Variants in CMIP observed in about 807,000 individuals in gnomAD.
CMIP encodes C-Maf-inducing protein.
In CMIP, 13 loss-of-function variants were observed where a neutral mutation model predicts 97.3. The observed-to-expected ratio is 0.13, with a 90% CI of 0.09 to 0.21. CMIP has a LOEUF of 0.21. Among genes scored for constraint, CMIP ranks in the 10% least tolerant of loss-of-function variants. CMIP has a pLI of 1.00. For synonymous variants in CMIP, 538 were observed against 436.3 expected (o/e 1.23, Z -2.91); for missense variants, 847 against 1,024.9 (o/e 0.83, Z 2.37).
chr16:81,466,628 G>A (rs1027924918), intron 1 of CMIP, among the ~76,000 whole-genome samples: 3 of 152,232 alleles, frequency 2.0e-5, no homozygotes, highest in Non-Finnish European at 4.4e-5. Flanking sequence ...GGCCATGATT[G>A]CATAATGAAT....
At chr16:81,682,019 G>A (rs1319092070) in intron 10 of CMIP, among the ~76,000 whole-genome samples, 1 of 151,624 alleles carries the variant, frequency 6.6e-6, no homozygotes, top group Non-Finnish European at 1.5e-5. Context: ...CCTGGCCAAC[G>A]TGACGAAATC....
chr16:81,564,457 T>A (rs1307073296), intron 1 of CMIP, among the ~76,000 whole-genome samples: 14 of 152,226 alleles, frequency 9.2e-5, no homozygotes, highest in Admixed American at 6.5e-4. Flanking sequence ...GAATCTAGTC[T>A]TCCATGTAAT....
chr16:81,529,946 TAGGAACCTTATACA>T (rs1321174318), intron 1 of CMIP, among the ~76,000 whole-genome samples: 1 of 152,186 alleles, frequency 6.6e-6, no homozygotes, highest in Non-Finnish European at 1.5e-5. Context: ...TGAGCAGCCA[TAGGAACCTTATACA>T]TGGGCAGGTG....
At chr16:81,513,142 C>T (rs1338588192) in intron 1 of CMIP, among the ~76,000 whole-genome samples, 3 of 152,218 alleles carry the variant, frequency 2.0e-5, no homozygotes, top group Non-Finnish European at 2.9e-5. Flanking sequence ...ATCCCTTGCC[C>T]TCTGGTAAAC....
intron 1 of CMIP, among the ~76,000 whole-genome samples, chr16:81,533,133 GTTT>G (rs1276943295): frequency 1.3e-5 from 2 of 152,060 alleles, no homozygotes; most frequent in African/African-American, 4.8e-5. Flanking sequence ...CCTGACTTAC[GTTT>G]TTTTCTCCTG....
At chr16:81,670,525 T>C (rs1357928284) in intron 8 of CMIP, among the ~76,000 whole-genome samples, 1 of 149,772 alleles carries the variant, frequency 6.7e-6, no homozygotes, top group Non-Finnish European at 1.5e-5. Context: ...CGTCGGGTGC[T>C]TGAACAATCA....
intron 1 of CMIP, among the ~76,000 whole-genome samples, chr16:81,452,116 C>T (rs1906254804): frequency 6.6e-6 from 1 of 152,210 alleles, no homozygotes; most frequent in Admixed American, 6.5e-5. Flanking sequence ...TTCGTTACCC[C>T]TCCCATGTGC....
At chr16:81,561,030 C>A (rs1384309187) in intron 1 of CMIP, among the ~76,000 whole-genome samples, 1 of 152,240 alleles carries the variant, frequency 6.6e-6, no homozygotes, top group Non-Finnish European at 1.5e-5. Context: ...TCTTGCTTCA[C>A]TGCAATCTTC....
chr16:81,538,021 G>A (rs937497598), intron 1 of CMIP, among the ~76,000 whole-genome samples: 5 of 152,236 alleles, frequency 3.3e-5, no homozygotes, highest in African/African-American at 2.4e-5. Flanking sequence ...CTCACCAGGG[G>A]CTTGCCCTGC....
intron 14 of CMIP, among the ~76,000 whole-genome samples, chr16:81,699,330 T>C (rs572122573): frequency 4.6e-5 from 7 of 152,366 alleles, no homozygotes; most frequent in Non-Finnish European, 1.0e-4. Context: ...TCAGCTTTTA[T>C]TGCATTTAGT....
chr16:81,665,428 C>G (rs1410547460), intron 7 of CMIP: 1 of 152,096 alleles, frequency 6.6e-6, no homozygotes, highest in Non-Finnish European at 1.5e-5. Context: ...GTTATTAACC[C>G]TCATGCCATT....
At chr16:81,543,556 C>G (rs1398961284) in intron 1 of CMIP, among the ~76,000 whole-genome samples, 8 of 152,132 alleles carry the variant, frequency 5.3e-5, no homozygotes. Flanking sequence ...GGGGTAAGAT[C>G]TGACCCTTGG....
rs2091195344 is a variant in CMIP at position 81,576,711 on chromosome 16, A to C, written c.301-30856A>C. ...TGATGTCTCCTAAGCCTAGTGCAGA[A>C]CAGTGCTGAAGAACACAGGGTCTAG... On this transcript the variant is annotated intron_variant, in intron 1 of 20. Coordinates refer to ENST00000537098, the MANE Select transcript of CMIP (RefSeq NM_198390.3). Among the ~76,000 whole-genome samples, 2 of 152,122 alleles carry C rather than the reference A, an allele frequency of 1.3e-5. 1 individual carries two copies. Among genetic ancestry groups the C allele is most frequent in the South Asian group, 4.1e-4 (2 of 4,828 alleles).
intron 1 of CMIP, chr16:81,464,961 G>A (rs1051326396): frequency 1.1e-4 from 17 of 152,264 alleles, no homozygotes; most frequent in Non-Finnish European, 2.1e-4. Context: ...TTCTTCGGTC[G>A]ACAGACACTT....
chr16:81,585,663 C>T (rs1033734132), intron 1 of CMIP, among the ~76,000 whole-genome samples: 1 of 127,410 alleles, frequency 7.8e-6, no homozygotes, highest in Non-Finnish European at 1.8e-5. Flanking sequence ...TAACGGCAGA[C>T]ACCGCATGGC....
intron 1 of CMIP, among the ~76,000 whole-genome samples, chr16:81,524,932 A>T (rs1197320763): frequency 6.6e-6 from 1 of 150,960 alleles, no homozygotes; most frequent in African/African-American, 2.4e-5. Context: ...AGTAGCTAGG[A>T]CTACAGGCAC....
chr16:81,461,385 C>G (rs546974517), intron 1 of CMIP, among the ~76,000 whole-genome samples: 1 of 152,244 alleles, frequency 6.6e-6, no homozygotes, highest in African/African-American at 2.4e-5. Flanking sequence ...TCATCTAGTT[C>G]TGGGATGGCA....
At chr16:81,579,251 C>G (rs767144884) in intron 1 of CMIP, among the ~76,000 whole-genome samples, 1 of 152,184 alleles carries the variant, frequency 6.6e-6, no homozygotes, top group East Asian at 1.9e-4. Context: ...CCTTGCAAGA[C>G]AGAGGCCAGC....
chr16:81,572,175 G>A (rs773204661), intron 1 of CMIP, among the ~76,000 whole-genome samples: 3 of 152,234 alleles, frequency 2.0e-5, no homozygotes, highest in Non-Finnish European at 2.9e-5. Flanking sequence ...CGCGTCTGAA[G>A]CAGCCATCTC....
Sources: allele counts gnomAD v4.1 joint callset (sites outside exome capture counted in the v4.1 genomes callset), GRCh38; gene constraint gnomAD v4.1.1; transcripts MANE v1.5; gene names NCBI Gene and HGNC (gene_info 2026-07-23, HGNC 2026-07-21).